Variants in NAALADL2 observed in about 807,000 individuals in gnomAD.
NAALADL2 encodes inactive N-acetylated-alpha-linked acidic dipeptidase-like protein 2.
A neutral mutation model predicts 87.2 loss-of-function variants in NAALADL2; 76 were observed. The ratio of observed to expected loss-of-function variants is 0.87; its 90% confidence interval spans 0.72 to 1.05. The LOEUF is 1.05. NAALADL2 is among the 50% of genes least tolerant of loss of function. NAALADL2 has a pLI of 0.00. For synonymous variants in NAALADL2, 354 were observed against 331.0 expected (o/e 1.07, Z -0.75); for missense variants, 1,089 against 945.8 (o/e 1.15, Z -1.99).
chr3:175,602,544 A>C (rs1251865811), intron 10 of NAALADL2, among the ~76,000 whole-genome samples: 1 of 151,984 alleles, frequency 6.6e-6, no homozygotes, highest in African/African-American at 2.4e-5. Flanking sequence ...AGCTCTTTCT[A>C]TATATATGTC....
chr3:174,890,244 A>C (rs999219781), intron 1 of NAALADL2, among the ~76,000 whole-genome samples: 6 of 152,220 alleles, frequency 3.9e-5, no homozygotes, highest in African/African-American at 1.4e-4. Flanking sequence ...GAGAAGTATA[A>C]GGAACAGGGT....
At chr3:174,624,736 T>C (rs2108677483) in intron 2 of NAALADL2, among the ~76,000 whole-genome samples, 1 of 152,224 alleles carries the variant, frequency 6.6e-6, no homozygotes, top group Non-Finnish European at 1.5e-5. Context: ...CTCTAAAAGG[T>C]AGGATTACCA....
intron 11 of NAALADL2, among the ~76,000 whole-genome samples, chr3:175,677,337 TGGC>T (rs1734929066): frequency 6.6e-6 from 1 of 151,782 alleles, no homozygotes; most frequent in Admixed American, 6.6e-5. Flanking sequence ...CACTCCAGCC[TGGC>T]AACAGAGTGA....
chr3:174,866,606 T>C (rs1727175899), intron 1 of NAALADL2, among the ~76,000 whole-genome samples: 1 of 151,946 alleles, frequency 6.6e-6, no homozygotes, highest in Non-Finnish European at 1.5e-5. Context: ...ATGAATTTTA[T>C]ATAGGTGTTT....
chr3:174,721,982 T>C (rs897676352), intron 2 of NAALADL2, among the ~76,000 whole-genome samples: 29 of 152,202 alleles, frequency 1.9e-4, no homozygotes, highest in African/African-American at 7.0e-4. Flanking sequence ...TCAACAATCC[T>C]GAAAAATGGC....
chr3:175,019,603 T>A (rs1303357093), intron 1 of NAALADL2, among the ~76,000 whole-genome samples: 1 of 151,938 alleles, frequency 6.6e-6, no homozygotes, highest in Non-Finnish European at 1.5e-5. Context: ...GGTACAAACC[T>A]AAGTTATGAG....
At chr3:175,590,561 A>G (rs1358149357) in intron 10 of NAALADL2, among the ~76,000 whole-genome samples, 1 of 152,170 alleles carries the variant, frequency 6.6e-6, no homozygotes, top group Non-Finnish European at 1.5e-5. Context: ...CAAATTTAGC[A>G]AGGTATGAAT....
intron 4 of NAALADL2, among the ~76,000 whole-genome samples, chr3:175,320,856 C>T (rs1408159566): frequency 1.3e-5 from 2 of 148,928 alleles, no homozygotes; most frequent in Non-Finnish European, 3.0e-5. Context: ...AGTTTACCAA[C>T]CAAAAAGAGT....
At chr3:174,463,599 CTTTTTTTTTT>C (rs57673935) in intron 1 of NAALADL2, among the ~76,000 whole-genome samples, 1 of 121,508 alleles carries the variant, frequency 8.2e-6, no homozygotes, top group South Asian at 2.8e-4. Context: ...TAAAGATTAT[CTTTTTTTTTT>C]TTTTTTTTTG....
intron 1 of NAALADL2, among the ~76,000 whole-genome samples, chr3:174,861,082 G>A (rs571095712): frequency 8.5e-4 from 130 of 152,098 alleles, no homozygotes; most frequent in African/African-American, 2.9e-3. Flanking sequence ...TGTGAAATCA[G>A]TTATATACTA....
At chr3:174,805,055 G>A (rs1008896534) in intron 3 of NAALADL2, among the ~76,000 whole-genome samples, 2 of 152,014 alleles carry the variant, frequency 1.3e-5, no homozygotes, top group African/African-American at 4.8e-5. Context: ...TATTTGCTAG[G>A]GTTAAAATGA....
At chr3:175,155,235 G>A (rs376289447) in intron 2 of NAALADL2, among the ~76,000 whole-genome samples, 2 of 152,146 alleles carry the variant, frequency 1.3e-5, no homozygotes, top group Non-Finnish European at 2.9e-5. Context: ...GTCTCCAGAA[G>A]AATATAAAGT....
At chr3:175,724,028 A>G (rs1357105937) in intron 11 of NAALADL2, among the ~76,000 whole-genome samples, 1 of 152,128 alleles carries the variant, frequency 6.6e-6, no homozygotes. Flanking sequence ...AATAGCATCC[A>G]AACCATCCAA....
intron 5 of NAALADL2, among the ~76,000 whole-genome samples, chr3:175,428,168 A>G (rs908940955): frequency 1.1e-4 from 17 of 152,122 alleles, no homozygotes; most frequent in Non-Finnish European, 1.6e-4. Context: ...ATTTATAAAA[A>G]AACTACCTGA....
At chr3:174,525,878 T>G (rs896136446) in intron 1 of NAALADL2, among the ~76,000 whole-genome samples, 1 of 152,178 alleles carries the variant, frequency 6.6e-6, no homozygotes, top group African/African-American at 2.4e-5. Context: ...TGGTCCCCCA[T>G]GAGCATTTCT....
intron 1 of NAALADL2, among the ~76,000 whole-genome samples, chr3:174,482,198 C>A (rs16860802): frequency 0.27 from 40,786 of 151,976 alleles, 5,945 homozygotes; most frequent in South Asian, 0.45. Flanking sequence ...CCTGACCTCT[C>A]TGCTGCCAAC....
At chr3:175,528,684 T>C (rs1283386640) in intron 9 of NAALADL2, among the ~76,000 whole-genome samples, 1 of 152,178 alleles carries the variant, frequency 6.6e-6, no homozygotes, top group Non-Finnish European at 1.5e-5. Context: ...AATACAGCTA[T>C]CCTTTGCACA....
rs1160388220 is a variant in NAALADL2, at chr3:174,620,751, G to A, written c.-115+70114G>A. Among the ~76,000 whole-genome samples the A allele has an allele frequency of 2.6e-5, 4 of 152,050 alleles. No individual in the cohort carries two copies. The East Asian group carries it at 7.7e-4, about 29-fold the overall frequency. On this transcript the variant is annotated intron_variant, in intron 2 of 3. Coordinates refer to the NAALADL2 transcript ENST00000434257. ...CTGGTTATGAAAGTGATATTCAGTT[G>A]GGTGCACATAAATACTTATGTATTT...
chr3:174,681,114 C>T (rs1727490738), intron 2 of NAALADL2, among the ~76,000 whole-genome samples: 1 of 152,164 alleles, frequency 6.6e-6, no homozygotes, highest in African/African-American at 2.4e-5. Context: ...GGGCAGAACT[C>T]AGCTGATGCC....
Sources: gnomAD v4.1 joint callset for allele counts (sites outside exome capture counted in the v4.1 genomes callset) on GRCh38, gnomAD v4.1.1 for gene constraint, MANE v1.5 for transcripts, NCBI Gene and HGNC (gene_info 2026-07-23, HGNC 2026-07-21) for gene names.